Variants in SEMA6D observed in about 807,000 individuals in gnomAD.
SEMA6D encodes the protein semaphorin-6D.
SEMA6D carries 35 observed loss-of-function variants against 106.6 expected under a neutral mutation model. That is an observed-to-expected ratio of 0.33 (90% confidence interval 0.25 to 0.44). The LOEUF (loss-of-function observed/expected upper bound fraction) is 0.44. Ranked by LOEUF, SEMA6D falls within the 20% of genes least tolerant of loss-of-function variation. SEMA6D has a pLI of 1.00. For synonymous variants in SEMA6D, 499 were observed against 487.7 expected (o/e 1.02, Z -0.31); for missense variants, 1,185 against 1,345.9 (o/e 0.88, Z 1.87).
intron 3 of SEMA6D, among the ~76,000 whole-genome samples, chr15:47,597,580 T>C (rs188067770): frequency 6.6e-6 from 1 of 152,112 alleles, no homozygotes; most frequent in African/African-American, 2.4e-5. Flanking sequence ...TGAGTGAACC[T>C]AGAGGACATT....
At chr15:47,260,505 G>A (rs1407659375) in intron 1 of SEMA6D, among the ~76,000 whole-genome samples, 1 of 152,120 alleles carries the variant, frequency 6.6e-6, no homozygotes, top group East Asian at 1.9e-4. Flanking sequence ...GGTGGTAGAA[G>A]TTCTTTCCCC....
chr15:47,521,699 T>C (rs2044583823), intron 3 of SEMA6D, among the ~76,000 whole-genome samples: 2 of 152,152 alleles, frequency 1.3e-5, no homozygotes, highest in African/African-American at 4.8e-5. Context: ...ATCATAAAGA[T>C]TCACGGCTGG....
At chr15:47,641,161 T>C (rs953128106) in intron 4 of SEMA6D, among the ~76,000 whole-genome samples, 5 of 152,222 alleles carry the variant, frequency 3.3e-5, no homozygotes, top group African/African-American at 1.2e-4. Context: ...CCTTCCCACC[T>C]GCATGTGCAG....
chr15:47,767,805 G>C (rs2082422188), intron 17 of SEMA6D, among the ~76,000 whole-genome samples: 1 of 152,198 alleles, frequency 6.6e-6, no homozygotes, highest in Non-Finnish European at 1.5e-5. Context: ...AAAAGGTTAA[G>C]TTAACTCCCG....
chr15:47,702,384 C>T (rs1016531545), intron 4 of SEMA6D, among the ~76,000 whole-genome samples: 2 of 152,272 alleles, frequency 1.3e-5, no homozygotes, highest in Non-Finnish European at 2.9e-5. Context: ...CTGGAAAGGA[C>T]GTGAAGCAAC....
In SEMA6D at chr15:47,764,181, G is replaced by C; in HGVS notation, c.973G>C (p.Gly325Arg). 1 of 1,613,396 alleles carries C rather than the reference G, an allele frequency of 6.2e-7. No individual in the cohort carries two copies. Among genetic ancestry groups the C allele is most frequent in the Non-Finnish European group, 8.5e-7 (1 of 1,179,694 alleles). ...VFTTQLNSIP[G>R]SAVCAFSMDD... Reference sequence around the variant, plus strand: ...GATTTTCTTCCTTTTCAGCATCCCTGGTTCTGCTGTCTGTGCATTTAGCAT... The same window carrying C: ...GATTTTCTTCCTTTTCAGCATCCCTCGTTCTGCTGTCTGTGCATTTAGCAT... The change falls in exon 11 of 19, where the codon GGT becomes CGT. Residue 325 changes from glycine (G) to arginine (R), a missense_variant. By Grantham distance (125) the Gly-to-Arg change is moderately radical. This residue lies in a region of SEMA6D where 291 missense variants were observed against 423.8 expected (regional missense o/e 0.69). Coordinates refer to ENST00000536845, the MANE Select transcript of SEMA6D (RefSeq NM_001358351.3).
At chr15:47,682,819 C>G (rs757426687) in intron 4 of SEMA6D, among the ~76,000 whole-genome samples, 1 of 152,192 alleles carries the variant, frequency 6.6e-6, no homozygotes, top group Non-Finnish European at 1.5e-5. Flanking sequence ...ACGTAAAACC[C>G]TCCTCACAAA....
At chr15:47,250,797 C>T (rs1352799324) in intron 1 of SEMA6D, among the ~76,000 whole-genome samples, 2 of 152,174 alleles carry the variant, frequency 1.3e-5, no homozygotes, top group Non-Finnish European at 2.9e-5. Context: ...CTGTCACATG[C>T]CAAGTGCTAT....
intron 1 of SEMA6D, among the ~76,000 whole-genome samples, chr15:47,203,022 C>A (rs913399033): frequency 2.0e-5 from 3 of 152,046 alleles, no homozygotes; most frequent in African/African-American, 4.8e-5. Flanking sequence ...ATAATTAGAT[C>A]CTTAATTGTT....
chr15:47,649,753 G>A (rs1323731241), intron 4 of SEMA6D, among the ~76,000 whole-genome samples: 4 of 152,162 alleles, frequency 2.6e-5, no homozygotes, highest in Admixed American at 6.5e-5. Flanking sequence ...AACAGATGGC[G>A]GTTCAATTTC....
intron 4 of SEMA6D, among the ~76,000 whole-genome samples, chr15:47,711,035 C>A (rs996156205): frequency 6.6e-6 from 1 of 151,994 alleles, no homozygotes; most frequent in Non-Finnish European, 1.5e-5. Context: ...CGTGGCCGGG[C>A]GCGGTGGCTC....
intron 1 of SEMA6D, among the ~76,000 whole-genome samples, chr15:47,365,087 G>A (rs2038962855): frequency 6.6e-6 from 1 of 152,168 alleles, no homozygotes; most frequent in African/African-American, 2.4e-5. Flanking sequence ...CCTTCAGCTG[G>A]CCTGGAAGGG....
At chr15:47,479,651 C>G (rs913013768) in intron 3 of SEMA6D, among the ~76,000 whole-genome samples, 3 of 151,890 alleles carry the variant, frequency 2.0e-5, no homozygotes, top group African/African-American at 7.3e-5. Flanking sequence ...TTTGGGAAGA[C>G]TTAATTGGAA....
At chr15:47,665,415 T>G (rs905773399) in intron 4 of SEMA6D, among the ~76,000 whole-genome samples, 2 of 152,164 alleles carry the variant, frequency 1.3e-5, no homozygotes, top group African/African-American at 4.8e-5. Flanking sequence ...TCCTGTAAGC[T>G]TTTCAGGAAG....
chr15:47,606,532 T>C lies in SEMA6D; in HGVS notation c.-55+5636T>C, dbSNP rs376364390. Reference sequence around the variant, plus strand: ...GTGACATGCCATCACTTCTGCTGTATTCTCTTGGTCACAAAGACCAATTAT... The same window carrying C: ...GTGACATGCCATCACTTCTGCTGTACTCTCTTGGTCACAAAGACCAATTAT... On this transcript the variant is annotated intron_variant, in intron 4 of 19. Coordinates refer to the SEMA6D transcript ENST00000558014. Among the ~76,000 whole-genome samples, 81 of 152,306 alleles carry C rather than the reference T, an allele frequency of 5.3e-4. 2 individuals are homozygous for C. In the South Asian group the frequency reaches 0.017, roughly 31 times the overall value.
At position 47,765,925 on chromosome 15, in the gene SEMA6D, A is replaced by G. The variant is rs2082313215; in HGVS notation, c.1484A>G (p.Asp495Gly). ...KKVISLQLDK[D>G]HHALYVAFSS... is the part of the protein sequence containing the mutation. Reference sequence around the variant, plus strand: ...GTCATCTCATTACAGTTGGATAAAGATCACCACGCTTTATATGTGGCGTTC... The same window carrying G: ...GTCATCTCATTACAGTTGGATAAAGGTCACCACGCTTTATATGTGGCGTTC... The change falls in exon 14 of 19, where the codon GAT becomes GGT. Residue 495 changes from aspartate (D) to glycine (G), a missense_variant. Around this residue, in one of 3 missense-constraint regions of SEMA6D, gnomAD observed 750 missense variants for 783.5 expected, o/e 0.96. Coordinates refer to ENST00000536845, the MANE Select transcript of SEMA6D (RefSeq NM_001358351.3). 2 of 1,572,848 alleles carry G rather than the reference A, an allele frequency of 1.3e-6. No homozygotes were observed.
chr15:47,190,362 G>A (rs1259703859), intron 1 of SEMA6D, among the ~76,000 whole-genome samples: 1 of 152,232 alleles, frequency 6.6e-6, no homozygotes, highest in South Asian at 2.1e-4. Context: ...AATTTACCAA[G>A]TGTATTAATT....
Position 47,766,600 on chromosome 15 carries a change from C to A in SEMA6D, c.1647-16C>A. ...AGGCTGTTAACCGAAGACTTCTTTG[C>A]TTTCCATAACCACAGTGCTGAAGGA... On this transcript the variant is annotated splice_polypyrimidine_tract_variant and intron_variant, in intron 15 of 18. Transcript: ENST00000536845. The A allele has an allele frequency of 6.2e-7, 1 of 1,612,104 alleles. No homozygotes were observed. Among genetic ancestry groups the A allele is most frequent in the Non-Finnish European group, 8.5e-7 (1 of 1,178,880 alleles).
intron 3 of SEMA6D, among the ~76,000 whole-genome samples, chr15:47,538,939 A>G (rs767436529): frequency 6.6e-6 from 1 of 152,218 alleles, no homozygotes; most frequent in Non-Finnish European, 1.5e-5. Flanking sequence ...TTTGCCTGGT[A>G]TGAAGAAGAT....
Sources: gnomAD v4.1 joint callset for allele counts (sites outside exome capture counted in the v4.1 genomes callset) on GRCh38, gnomAD v4.1.1 for gene constraint, gnomAD v4.1.1 regional missense constraint, MANE v1.5 for transcripts, NCBI Gene and HGNC (gene_info 2026-07-23, HGNC 2026-07-21) for gene names.